GRM8: variants seen among roughly 807,000 people sequenced by gnomAD.
The protein encoded by GRM8 is metabotropic glutamate receptor 8.
A neutral mutation model predicts 87.2 loss-of-function variants in GRM8; 47 were observed. The observed-to-expected ratio is 0.54, with a 90% CI of 0.43 to 0.69. The LOEUF (loss-of-function observed/expected upper bound fraction) is 0.69, where lower values mean the gene tolerates loss of function less well. Among genes scored for constraint, GRM8 ranks in the 30% least tolerant of loss-of-function variants. The pLI, the probability that GRM8 is intolerant of heterozygous loss-of-function variation, is 0.00. For synonymous variants in GRM8, 396 were observed against 404.5 expected, an observed-to-expected ratio of 0.98 and a Z score of 0.25; for missense variants, 1,019 against 1,139.2, an observed-to-expected ratio of 0.89 and a Z score of 1.52.
At chr7:127,141,505 A>G (rs921410157) in intron 2 of GRM8, among the ~76,000 whole-genome samples, 5 of 152,152 alleles carry the variant, frequency 3.3e-5, no homozygotes, top group Non-Finnish European at 7.4e-5. Flanking sequence ...TGAACCTAAC[A>G]TTTGAATACA....
Position 126,788,375 on chromosome 7 carries a change from AC to A in GRM8, c.1157-18311del, listed in dbSNP as rs1163767273. On this transcript the variant is annotated intron_variant, in intron 6 of 10. Transcript: ENST00000339582. ...CAGTGAGCCGAGAGTATACCACTGC[AC>A]TTTAGCCTGGGTATCAGAGCAAGAC... Among the ~76,000 whole-genome samples the A allele has an allele frequency of 6.5e-5, 7 of 107,598 alleles. No individual in the cohort carries two copies. In the Admixed American group the frequency reaches 7.4e-4, roughly 11 times the overall value. The allele number at this position is 107,598 out of a possible 152,430, so 70.6% of individuals were successfully genotyped here.
At chr7:127,098,999 C>T (rs1158823435) in intron 3 of GRM8, among the ~76,000 whole-genome samples, 1 of 152,086 alleles carries the variant, frequency 6.6e-6, no homozygotes, top group African/African-American at 2.4e-5. Flanking sequence ...CTTCCTTGCC[C>T]CTTATAATGA....
intron 2 of GRM8, among the ~76,000 whole-genome samples, chr7:127,185,732 TAAG>T (rs1794698728): frequency 6.6e-6 from 1 of 152,156 alleles, no homozygotes; most frequent in Non-Finnish European, 1.5e-5. Flanking sequence ...TTTGGGAGAT[TAAG>T]AAGGAAGAGA....
At chr7:127,104,346 T>G (rs759531378) in intron 3 of GRM8, among the ~76,000 whole-genome samples, 2 of 152,202 alleles carry the variant, frequency 1.3e-5, no homozygotes, top group Non-Finnish European at 2.9e-5. Context: ...GTTACAGAAC[T>G]AATGAATTTT....
chr7:127,237,135 A>G (rs1798027605), intron 2 of GRM8, among the ~76,000 whole-genome samples: 1 of 152,216 alleles, frequency 6.6e-6, no homozygotes, highest in South Asian at 2.1e-4. Flanking sequence ...TCCATTTTGA[A>G]AGATCTCTGT....
chr7:126,656,106 G>A (rs1035473513), intron 7 of GRM8, among the ~76,000 whole-genome samples: 4 of 152,152 alleles, frequency 2.6e-5, no homozygotes, highest in Non-Finnish European at 4.4e-5. Context: ...GGGGAAGAGT[G>A]GGGTTACAAA....
intron 2 of GRM8, among the ~76,000 whole-genome samples, chr7:127,172,748 G>A (rs577050154): frequency 7.3e-5 from 11 of 151,496 alleles, no homozygotes; most frequent in Non-Finnish European, 1.0e-4. Flanking sequence ...TTCCTTTATG[G>A]CCATTATTAT....
At chr7:126,629,065 C>A (rs1800983907) in intron 7 of GRM8, among the ~76,000 whole-genome samples, 2 of 152,176 alleles carry the variant, frequency 1.3e-5, no homozygotes, top group Admixed American at 1.3e-4. Context: ...AACAACAATT[C>A]TTTAACTTTC....
intron 6 of GRM8, among the ~76,000 whole-genome samples, chr7:126,820,880 C>A (rs150719000): frequency 1.3e-5 from 2 of 152,162 alleles, no homozygotes; most frequent in East Asian, 3.9e-4. Flanking sequence ...GTGGGCGGAT[C>A]GCTTGAGGCC....
rs537135122 is a variant in GRM8 at position 126,587,395 on chromosome 7, C to T, written c.1494+21967G>A. Among the ~76,000 whole-genome samples, 4 of 152,198 alleles carry T rather than the reference C, an allele frequency of 2.6e-5. No homozygotes were observed. The East Asian group carries it at 5.8e-4, about 22-fold the overall frequency. On this transcript the variant is annotated intron_variant, in intron 8 of 10. Coordinates refer to ENST00000339582, the MANE Select transcript of GRM8 (RefSeq NM_000845.3). ...ATGCACACGTATGTTTATTGCGGCA[C>T]TATTCACAATAGCAAAGACTTGGAA...
intron 9 of GRM8, among the ~76,000 whole-genome samples, chr7:126,521,850 T>A (rs1419010851): frequency 6.6e-6 from 1 of 152,208 alleles, no homozygotes; most frequent in Non-Finnish European, 1.5e-5. Context: ...AATGTGCCTT[T>A]TATTTCAACT....
intron 3 of GRM8, among the ~76,000 whole-genome samples, chr7:126,921,575 TAAAAACC>T (rs911712103): frequency 2.0e-5 from 3 of 152,104 alleles, no homozygotes; most frequent in African/African-American, 7.2e-5. Context: ...CACTCGTGAG[TAAAAACC>T]AATTACAGAG....
rs184608630 is a variant in GRM8, at chr7:126,475,310, G to A, written c.2431-28938C>T. Among the ~76,000 whole-genome samples, 16 of 151,616 alleles carry A rather than the reference G, an allele frequency of 1.1e-4. 1 individual carries two copies. The highest frequency in any genetic ancestry group is 4.2e-4 in the South Asian group (2 of 4,802). On this transcript the variant is annotated intron_variant, in intron 9 of 10. Coordinates refer to ENST00000339582, the MANE Select transcript of GRM8 (RefSeq NM_000845.3). ...GATACAAAATCAATATATAAAAATC[G>A]GTTGAATTTCTATACACTAAATAAC... is the stretch of plus-strand genomic sequence containing the variant.
At chr7:127,016,718 T>G (rs1051927623) in intron 3 of GRM8, among the ~76,000 whole-genome samples, 4 of 152,118 alleles carry the variant, frequency 2.6e-5, no homozygotes, top group African/African-American at 9.7e-5. Context: ...GTTCTCTCAA[T>G]TTCTGAAATA....
chr7:127,156,092 ACT>A (rs1275008956), intron 2 of GRM8, among the ~76,000 whole-genome samples: 2 of 152,148 alleles, frequency 1.3e-5, no homozygotes, highest in Non-Finnish European at 2.9e-5. Context: ...CTATGAAGAA[ACT>A]CTGAGGAGAA....
intron 2 of GRM8, among the ~76,000 whole-genome samples, chr7:127,188,832 A>G (rs1053099682): frequency 1.8e-4 from 27 of 152,160 alleles, no homozygotes; most frequent in African/African-American, 5.8e-4. Context: ...CTCCCCCATC[A>G]ATCCACCAGG....
intron 7 of GRM8, among the ~76,000 whole-genome samples, chr7:126,723,244 A>G (rs908344233): frequency 7.2e-5 from 11 of 152,016 alleles, no homozygotes; most frequent in Admixed American, 1.3e-4. Context: ...TATAAGAAAT[A>G]TCTTCTTCAC....
intron 3 of GRM8, among the ~76,000 whole-genome samples, chr7:127,042,981 G>C (rs561685839): frequency 6.6e-6 from 1 of 152,286 alleles, no homozygotes; most frequent in East Asian, 1.9e-4. Context: ...CTCAAAAGAA[G>C]ACATTTATGT....
chr7:127,192,522 G>C (rs1040434081), intron 2 of GRM8, among the ~76,000 whole-genome samples: 1 of 152,156 alleles, frequency 6.6e-6, no homozygotes, highest in Non-Finnish European at 1.5e-5. Flanking sequence ...GCTCTCACCC[G>C]ATAGGTTTGT....
Sources: gnomAD v4.1 joint callset for allele counts (sites outside exome capture counted in the v4.1 genomes callset) on GRCh38, gnomAD v4.1.1 for gene constraint, MANE v1.5 for transcripts, NCBI Gene and HGNC (gene_info 2026-07-23, HGNC 2026-07-21) for gene names.